Variants in NRXN3 observed in about 807,000 individuals in gnomAD.
NRXN3 encodes neurexin 3, also known as neurexin III.
NRXN3 carries 32 observed loss-of-function variants against 137.6 expected under a neutral mutation model. The ratio of observed to expected loss-of-function variants is 0.23; its 90% CI spans 0.18 to 0.31. The LOEUF (loss-of-function observed/expected upper bound fraction) is 0.31. Ranked by LOEUF, NRXN3 falls within the 10% of genes least tolerant of loss-of-function variation. NRXN3 has a pLI of 1.00. For missense variants in NRXN3, 1,574 were observed against 2,062.5 expected, an observed-to-expected ratio of 0.76 and a Z score of 4.59; for synonymous variants, 798 against 784.5, an observed-to-expected ratio of 1.02 and a Z score of -0.29.
chr14:79,803,117 G>A (rs1350594522), intron 19 of NRXN3, among the ~76,000 whole-genome samples: 1 of 152,102 alleles, frequency 6.6e-6, no homozygotes, highest in Non-Finnish European at 1.5e-5. Flanking sequence ...CCTTTCAGAT[G>A]TAGAATAAAG....
At chr14:78,987,944 G>T in intron 14 of NRXN3, 78 bp from the exon 15 acceptor site, 1 of 1,474,530 alleles carries the variant, frequency 6.8e-7, no homozygotes, top group South Asian at 1.3e-5. Flanking sequence ...AAATTCAGGT[G>T]ATTTCCTTGA....
At chr14:79,691,441 T>C (rs1195388376) in intron 17 of NRXN3, among the ~76,000 whole-genome samples, 1 of 151,974 alleles carries the variant, frequency 6.6e-6, no homozygotes, top group East Asian at 1.9e-4. Context: ...TGCTCAAAAG[T>C]CTACAAATGT....
rs866099801 is a variant in NRXN3 at position 79,852,461 on chromosome 14, G to A, written c.4094-8881G>A. Reference sequence around the variant, plus strand: ...TTCCCCTAAATGCAACTTACTTTAAGCATGTGTTAACTGGATTAACATTCC... The same window carrying A: ...TTCCCCTAAATGCAACTTACTTTAAACATGTGTTAACTGGATTAACATTCC... On this transcript the variant is annotated intron_variant, in intron 20 of 20. Transcript: ENST00000335750. Among the ~76,000 whole-genome samples, 14 of 152,108 alleles carry A rather than the reference G, an allele frequency of 9.2e-5. No homozygotes were observed. In the South Asian group the frequency reaches 2.9e-3, roughly 32 times the overall value.
intron 19 of NRXN3, among the ~76,000 whole-genome samples, chr14:79,747,364 A>T (rs2154084686): frequency 6.6e-6 from 1 of 152,266 alleles, no homozygotes; most frequent in South Asian, 2.1e-4. Flanking sequence ...TCTGAAAATT[A>T]TGATGGCTGT....
At chr14:78,655,459 C>G (rs1446685763) in intron 6 of NRXN3, among the ~76,000 whole-genome samples, 1 of 152,076 alleles carries the variant, frequency 6.6e-6, no homozygotes, top group Non-Finnish European at 1.5e-5. Context: ...CTGAGGTTTG[C>G]CCTACATAAA....
chr14:78,875,350 A>G (rs1383766106), intron 10 of NRXN3, among the ~76,000 whole-genome samples: 3 of 152,214 alleles, frequency 2.0e-5, no homozygotes, highest in Non-Finnish European at 2.9e-5. Flanking sequence ...GCTTGCTATA[A>G]AGACAAAAAT....
intron 10 of NRXN3, among the ~76,000 whole-genome samples, chr14:78,921,937 T>G (rs1179687077): frequency 6.6e-6 from 1 of 152,226 alleles, no homozygotes; most frequent in African/African-American, 2.4e-5. Flanking sequence ...AAAATAATCC[T>G]TGAGGAAACA....
chr14:79,567,639 C>T (rs375562461), intron 16 of NRXN3, among the ~76,000 whole-genome samples: 1 of 152,084 alleles, frequency 6.6e-6, no homozygotes, highest in Non-Finnish European at 1.5e-5. Flanking sequence ...ATTCCTCCTT[C>T]TACGTTCGGC....
At position 78,471,100 on chromosome 14, in the gene NRXN3, G is replaced by A. The variant is rs528048456; in HGVS notation, c.757+173240G>A. Among the ~76,000 whole-genome samples the A allele has an allele frequency of 4.1e-4, 63 of 152,256 alleles. 1 individual carries two copies. The highest frequency in any genetic ancestry group is 1.4e-3 in the African/African-American group (60 of 41,534). ...ATTTGATGTAGAGTGGTTCTTTGGG[G>A]AGGGACATGGCACTGGCACACTGAA... On this transcript the variant is annotated intron_variant, in intron 4 of 20. Coordinates refer to ENST00000335750, the MANE Select transcript of NRXN3 (RefSeq NM_001330195.2).
chr14:78,888,867 A>G (rs1429191292), intron 10 of NRXN3, among the ~76,000 whole-genome samples: 2 of 151,774 alleles, frequency 1.3e-5, no homozygotes, highest in African/African-American at 2.4e-5. Flanking sequence ...ACACACACAC[A>G]CACACCCCAG....
chr14:78,483,981 T>TACACACACACACACAC (rs71979335), intron 4 of NRXN3, among the ~76,000 whole-genome samples: 8 of 123,750 alleles, frequency 6.5e-5, no homozygotes, highest in South Asian at 5.9e-4. Flanking sequence ...GGGATGCTCT[T>TACACACACACACACAC]ACACACACAC....
At chr14:78,739,056 C>A (rs2098553076) in intron 8 of NRXN3, among the ~76,000 whole-genome samples, 1 of 152,246 alleles carries the variant, frequency 6.6e-6, no homozygotes, top group South Asian at 2.1e-4. Context: ...CCTCCACTCT[C>A]TTCCCCAGAT....
intron 15 of NRXN3, among the ~76,000 whole-genome samples, chr14:79,242,877 C>T (rs1233366473): frequency 6.6e-6 from 1 of 152,180 alleles, no homozygotes; most frequent in Admixed American, 6.5e-5. Flanking sequence ...GGCTGTTTTA[C>T]AGTGTATCAT....
chr14:79,207,424 A>G (rs962507963), intron 15 of NRXN3, among the ~76,000 whole-genome samples: 9 of 152,212 alleles, frequency 5.9e-5, no homozygotes, highest in Non-Finnish European at 1.5e-5. Context: ...AAAGAGACTG[A>G]AGTAGGAATA....
At chr14:79,195,469 A>G (rs777081337) in intron 15 of NRXN3, among the ~76,000 whole-genome samples, 2 of 152,164 alleles carry the variant, frequency 1.3e-5, no homozygotes, top group African/African-American at 2.4e-5. Context: ...TTTACTCTCT[A>G]CTTTCTCCAG....
chr14:79,840,933 G>T (rs917361155), intron 20 of NRXN3, among the ~76,000 whole-genome samples: 3 of 152,076 alleles, frequency 2.0e-5, no homozygotes, highest in Non-Finnish European at 4.4e-5. Context: ...AACTAATCTA[G>T]AGACCCATAT....
At chr14:79,814,339 G>GT (rs1469694365) in intron 20 of NRXN3, among the ~76,000 whole-genome samples, 1 of 152,182 alleles carries the variant, frequency 6.6e-6, no homozygotes, top group Admixed American at 6.5e-5. Context: ...TCTGTTCTCT[G>GT]TAAGATGTGA....
Position 79,421,391 on chromosome 14 carries a change from T to C in NRXN3, c.3263-45830T>C, listed in dbSNP as rs148894856. Among the ~76,000 whole-genome samples, 864 of 152,338 alleles carry C rather than the reference T, an allele frequency of 5.7e-3. 9 individuals are homozygous for C. The highest frequency in any genetic ancestry group is 0.02 in the African/African-American group (844 of 41,576). ...TAAATGTGCTGATTTAACTAAACTA[T>C]CTTTATTTCCTTTAGGCTCAGACAT... is the stretch of plus-strand genomic sequence containing the variant. On this transcript the variant is annotated intron_variant, in intron 15 of 20. Coordinates refer to ENST00000335750, the MANE Select transcript of NRXN3 (RefSeq NM_001330195.2).
chr14:78,541,358 T>C (rs972338454), intron 4 of NRXN3, among the ~76,000 whole-genome samples: 1 of 152,252 alleles, frequency 6.6e-6, no homozygotes, highest in Non-Finnish European at 1.5e-5. Context: ...CTTTATTTCA[T>C]TAATTTGATC....
Sources: gnomAD v4.1 joint callset for allele counts (sites outside exome capture counted in the v4.1 genomes callset) on GRCh38, gnomAD v4.1.1 for gene constraint, MANE v1.5 for transcripts, NCBI Gene and HGNC (gene_info 2026-07-23, HGNC 2026-07-21) for gene names.